Variants in KLHL1 observed in about 807,000 individuals in gnomAD.
KLHL1 encodes the protein kelch-like protein 1.
In KLHL1, 47 loss-of-function variants were observed where a neutral mutation model predicts 77.7. The ratio of observed to expected loss-of-function variants is 0.60; its 90% confidence interval spans 0.48 to 0.77. The LOEUF (loss-of-function observed/expected upper bound fraction) is 0.77, where lower values mean the gene tolerates loss of function less well. Ranked by LOEUF, KLHL1 falls within the 30% of genes least tolerant of loss-of-function variation. The pLI is 0.00. For missense variants in KLHL1, 925 were observed against 910.8 expected (o/e 1.02, Z -0.20); for synonymous variants, 360 against 325.2 (o/e 1.11, Z -1.15).
At chr13:69,926,946 CAAAA>C (rs71116960) in intron 4 of KLHL1, among the ~76,000 whole-genome samples, 16 of 36,032 alleles carry the variant, frequency 4.4e-4, no homozygotes, top group Non-Finnish European at 1.7e-4. Flanking sequence ...GACTCCATCT[CAAAA>C]AAAAAAAAAA....
chr13:69,704,266 A>C (rs1875529977), intron 10 of KLHL1, among the ~76,000 whole-genome samples: 1 of 151,664 alleles, frequency 6.6e-6, no homozygotes, highest in Non-Finnish European at 1.5e-5. Context: ...CAGTTGTTCA[A>C]GATAGAATCC....
intron 1 of KLHL1, among the ~76,000 whole-genome samples, chr13:69,997,273 TTTTTC>T (rs1170546996): frequency 3.4e-5 from 5 of 146,906 alleles, no homozygotes; most frequent in African/African-American, 1.3e-4. Flanking sequence ...CAAATTTTAT[TTTTTC>T]TTTTTTATTT....
intron 6 of KLHL1, among the ~76,000 whole-genome samples, chr13:69,805,887 TAACTG>T (rs1426902504): frequency 6.6e-6 from 1 of 151,832 alleles, no homozygotes; most frequent in Non-Finnish European, 1.5e-5. Flanking sequence ...TTTGGAAACT[TAACTG>T]TACAATACTA....
intron 4 of KLHL1, among the ~76,000 whole-genome samples, chr13:69,890,649 C>T (rs553185449): frequency 1.3e-5 from 2 of 150,002 alleles, no homozygotes; most frequent in Non-Finnish European, 3.0e-5. Context: ...CACACACGCA[C>T]ACACACACAC....
At chr13:69,863,528 G>T (rs1279749730) in intron 5 of KLHL1, among the ~76,000 whole-genome samples, 1 of 151,230 alleles carries the variant, frequency 6.6e-6, no homozygotes, top group African/African-American at 2.4e-5. Flanking sequence ...TTTCATGATT[G>T]GTAAAACCTG....
intron 7 of KLHL1, among the ~76,000 whole-genome samples, chr13:69,768,783 G>A (rs552326285): frequency 6.6e-6 from 1 of 151,778 alleles, no homozygotes; most frequent in South Asian, 2.1e-4. Context: ...GAGATTTTTT[G>A]ATTTTATTCT....
intron 1 of KLHL1, among the ~76,000 whole-genome samples, chr13:69,992,539 T>A (rs1171547622): frequency 2.0e-5 from 3 of 152,020 alleles, no homozygotes; most frequent in Non-Finnish European, 4.4e-5. Flanking sequence ...TACAATCTAC[T>A]TTGTAGATGA....
chr13:69,978,228 T>A (rs17086036), intron 1 of KLHL1, among the ~76,000 whole-genome samples: 3,410 of 152,008 alleles, frequency 0.022, 53 homozygotes, highest in African/African-American at 0.043. Context: ...AGAATGAACA[T>A]ACTATTGACT....
At chr13:69,956,057 A>G (rs890123308) in intron 3 of KLHL1, among the ~76,000 whole-genome samples, 1 of 133,624 alleles carries the variant, frequency 7.5e-6, no homozygotes, top group Admixed American at 8.0e-5. Flanking sequence ...TGATATATAT[A>G]TTTATATATT....
rs141139691 is a variant in KLHL1, at chr13:69,753,731, T to A, written c.1640-13175A>T. On this transcript the variant is annotated intron_variant, in intron 7 of 10. Coordinates refer to ENST00000377844, the MANE Select transcript of KLHL1 (RefSeq NM_020866.3). The stretch of plus-strand genomic sequence containing the variant: ...GGCAATTGTCCTACTTGAAGATTAT[T>A]CTCTACTGTATTCTAACAGGGTTCT... Among the ~76,000 whole-genome samples, 1,215 of 152,290 alleles carry A rather than the reference T, an allele frequency of 8.0e-3. 5 individuals carry two copies. Among genetic ancestry groups the A allele is most frequent in the African/African-American group, 0.019 (791 of 41,578 alleles).
intron 4 of KLHL1, among the ~76,000 whole-genome samples, chr13:69,915,188 A>G (rs1882382887): frequency 6.6e-6 from 1 of 152,212 alleles, no homozygotes; most frequent in African/African-American, 2.4e-5. Context: ...TATAGATTCA[A>G]TGCCATCCCC....
rs112938169 is a variant in KLHL1, at chr13:69,889,390, G to A, written c.1015-6895C>T. 6.3e-3 allele frequency among the ~76,000 whole-genome samples: 952 copies of A among 152,010 alleles called. 12 individuals carry two copies. Among genetic ancestry groups the A allele is most frequent in the African/African-American group, 0.022 (894 of 41,496 alleles). Reference sequence around the variant, plus strand: ...AGAATGCTGAAGCTAAGAGGAGCTCGCATATAGTCATACTCATGGTCAAGA... The same window carrying A: ...AGAATGCTGAAGCTAAGAGGAGCTCACATATAGTCATACTCATGGTCAAGA... On this transcript the variant is annotated intron_variant, in intron 4 of 10. Coordinates refer to ENST00000377844, the MANE Select transcript of KLHL1 (RefSeq NM_020866.3).
intron 3 of KLHL1, among the ~76,000 whole-genome samples, chr13:69,949,851 T>C (rs1883649201): frequency 6.6e-6 from 1 of 151,756 alleles, no homozygotes; most frequent in African/African-American, 2.4e-5. Context: ...TAAATTTTAC[T>C]GCAATTTAGA....
At position 69,854,952 on chromosome 13, in the gene KLHL1, A is replaced by G. The variant is rs141332783; in HGVS notation, c.1228-15790T>C. ...GAAATATTGGAAATATATTTTTACA[A>G]GAAAAAAATTGTTGGCTATGAATAT... On this transcript the variant is annotated intron_variant, in intron 5 of 10. Coordinates refer to ENST00000377844, the MANE Select transcript of KLHL1 (RefSeq NM_020866.3). Among the ~76,000 whole-genome samples, 119 of 152,192 alleles carry G rather than the reference A, an allele frequency of 7.8e-4. 2 individuals carry two copies. The highest frequency in any genetic ancestry group is 2.8e-3 in the African/African-American group (117 of 41,564).
chr13:69,749,085 T>C (rs1874354015), intron 7 of KLHL1, among the ~76,000 whole-genome samples: 1 of 152,042 alleles, frequency 6.6e-6, no homozygotes, highest in South Asian at 2.1e-4. Flanking sequence ...GCTGCCTTAT[T>C]ATGTGATTCT....
intron 1 of KLHL1, among the ~76,000 whole-genome samples, chr13:70,074,039 T>A (rs1016828027): frequency 6.6e-6 from 1 of 151,956 alleles, no homozygotes; most frequent in African/African-American, 2.4e-5. Context: ...TTGGTCAGGC[T>A]TGTTCTCAAA....
chr13:69,956,067 TTATTTGATATATATATTTTTATA>T (rs1566443042), intron 3 of KLHL1, among the ~76,000 whole-genome samples: 2 of 102,952 alleles, frequency 1.9e-5, no homozygotes, highest in East Asian at 3.5e-4. Context: ...ATTTATATAT[TTATTTGATATATATATTTTTATA>T]TATTTGATAT....
intron 1 of KLHL1, among the ~76,000 whole-genome samples, chr13:70,025,060 C>T (rs972871995): frequency 6.6e-6 from 1 of 152,014 alleles, no homozygotes; most frequent in Non-Finnish European, 1.5e-5. Flanking sequence ...TTTACATTCA[C>T]ATGAATTTTA....
intron 4 of KLHL1, among the ~76,000 whole-genome samples, chr13:69,938,388 T>C (rs960937441): frequency 1.3e-5 from 2 of 152,116 alleles, no homozygotes; most frequent in African/African-American, 4.8e-5. Flanking sequence ...AATCTTCTAT[T>C]TTTCTGTTTT....
Sources: allele counts gnomAD v4.1 joint callset (sites outside exome capture counted in the v4.1 genomes callset), GRCh38; gene constraint gnomAD v4.1.1; transcripts MANE v1.5; gene names NCBI Gene and HGNC (gene_info 2026-07-23, HGNC 2026-07-21).